MMP16: variants seen among roughly 807,000 people sequenced by gnomAD.
MMP16 encodes matrix metallopeptidase 16, also known as matrix metalloproteinase-16.
A neutral mutation model predicts 67.8 loss-of-function variants in MMP16; 12 were observed. That is an observed-to-expected ratio of 0.18 (90% CI 0.11 to 0.29). The LOEUF (loss-of-function observed/expected upper bound fraction) is 0.29. Ranked by LOEUF, MMP16 falls within the 10% of genes least tolerant of loss-of-function variation. The probability of loss-of-function intolerance (pLI) is 1.00; values close to 1 mark genes in which losing one functional copy is unlikely to be tolerated. For synonymous variants in MMP16, 249 were observed against 255.9 expected, an observed-to-expected ratio of 0.97 and a Z score of 0.26; for missense variants, 475 against 765.7, an observed-to-expected ratio of 0.62 and a Z score of 4.48.
chr8:88,281,138 C>T (rs1810728764), intron 1 of MMP16, among the ~76,000 whole-genome samples: 1 of 152,190 alleles, frequency 6.6e-6, no homozygotes, highest in Admixed American at 6.5e-5. Context: ...TCCCTCACTT[C>T]TTCTGGTTAT....
intron 3 of MMP16, among the ~76,000 whole-genome samples, chr8:88,177,253 G>C (rs577074499): frequency 3.9e-5 from 6 of 152,174 alleles, no homozygotes; most frequent in Non-Finnish European, 8.8e-5. Flanking sequence ...ATATGGTCTT[G>C]CAGTCTCTGC....
intron 1 of MMP16, among the ~76,000 whole-genome samples, chr8:88,231,285 T>C (rs1809855584): frequency 6.6e-6 from 1 of 152,206 alleles, no homozygotes; most frequent in African/African-American, 2.4e-5. Flanking sequence ...TGAGCGGTTC[T>C]AGATATAACC....
Position 88,033,613 on chromosome 8 carries a change from AT to A in MMP16, c.*7847del, listed in dbSNP as rs1299603870. On this transcript the variant is annotated 3_prime_UTR_variant, in exon 10 of 10. Transcript: ENST00000286614. ...GCGCAAAATTGAACTAGTAAACTCC[AT>A]TTATTTCCCTCCTATAATATAAAAA... is the stretch of plus-strand genomic sequence containing the variant. The A allele has an allele frequency of 1.3e-5, 2 of 151,974 alleles. No individual in the cohort carries two copies. The highest frequency in any genetic ancestry group is 2.4e-5 in the African/African-American group (1 of 41,422). 9.4% of individuals were successfully genotyped at this position (151,974 alleles called of 1,614,324 possible). A position where few individuals can be genotyped will look rare whatever the true frequency, so the allele number is the denominator to read the frequency against.
chr8:88,126,088 C>A (rs747596845), intron 4 of MMP16, among the ~76,000 whole-genome samples: 1 of 151,878 alleles, frequency 6.6e-6, no homozygotes, highest in African/African-American at 2.4e-5. Flanking sequence ...AGACCAGCAA[C>A]AAATATATGA....
At chr8:88,310,073 G>T (rs1484802499) in intron 1 of MMP16, among the ~76,000 whole-genome samples, 1 of 151,982 alleles carries the variant, frequency 6.6e-6, no homozygotes, top group East Asian at 1.9e-4. Flanking sequence ...AAAATCATTT[G>T]GTGAAGTTGC....
chr8:88,148,305 A>G (rs1213780478), intron 4 of MMP16, among the ~76,000 whole-genome samples: 1 of 152,242 alleles, frequency 6.6e-6, no homozygotes, highest in Admixed American at 6.5e-5. Context: ...TCATAAATTC[A>G]GTATCTGAAA....
chr8:88,136,094 C>T (rs1808114319), intron 4 of MMP16, among the ~76,000 whole-genome samples: 1 of 151,786 alleles, frequency 6.6e-6, no homozygotes, highest in Admixed American at 6.6e-5. Context: ...CAGTAGAAGA[C>T]AGAGTGAGTA....
intron 4 of MMP16, among the ~76,000 whole-genome samples, chr8:88,156,919 T>C (rs1015316553): frequency 2.0e-5 from 3 of 152,128 alleles, no homozygotes; most frequent in Admixed American, 1.3e-4. Flanking sequence ...GAATTATGAT[T>C]AAGCAACTTA....
chr8:88,158,141 T>C lies in MMP16; in HGVS notation c.709+9528A>G, dbSNP rs554626457. On this transcript the variant is annotated intron_variant, in intron 4 of 9. Coordinates refer to ENST00000286614, the MANE Select transcript of MMP16 (RefSeq NM_005941.5). The stretch of plus-strand genomic sequence containing the variant: ...GTGCCACAATAAACATACGTGTGCA[T>C]GTGTCTTTATAGCAGCATGATTTAT... Among the ~76,000 whole-genome samples the C allele has an allele frequency of 2.0e-5, 3 of 152,274 alleles. No homozygotes were observed. The South Asian group carries it at 6.2e-4, about 32-fold the overall frequency.
chr8:88,128,553 C>T (rs765242888), intron 4 of MMP16, among the ~76,000 whole-genome samples: 1 of 151,558 alleles, frequency 6.6e-6, no homozygotes, highest in Non-Finnish European at 1.5e-5. Flanking sequence ...TACATATTAT[C>T]GCAGACTCTT....
intron 1 of MMP16, among the ~76,000 whole-genome samples, chr8:88,252,162 A>G (rs1266381312): frequency 1.3e-5 from 2 of 149,606 alleles, no homozygotes; most frequent in Admixed American, 1.3e-4. Context: ...CCAAAGGACT[A>G]TAAATCATGC....
chr8:88,136,121 A>C (rs1808114744), intron 4 of MMP16, among the ~76,000 whole-genome samples: 1 of 151,898 alleles, frequency 6.6e-6, no homozygotes, highest in Non-Finnish European at 1.5e-5. Flanking sequence ...TGGGAAGTTA[A>C]AAAGAGCTAA....
At chr8:88,172,473 T>C (rs1808819595) in intron 3 of MMP16, among the ~76,000 whole-genome samples, 1 of 152,208 alleles carries the variant, frequency 6.6e-6, no homozygotes. Context: ...GAGAGATGTA[T>C]TTTGTATTTA....
At chr8:88,208,689 T>TA (rs1277048332) in intron 1 of MMP16, among the ~76,000 whole-genome samples, 2 of 151,822 alleles carry the variant, frequency 1.3e-5, no homozygotes, top group Non-Finnish European at 2.9e-5. Context: ...CATTGTTATA[T>TA]AAAAAGCCAT....
chr8:88,168,708 C>T (rs1344127060), intron 3 of MMP16, among the ~76,000 whole-genome samples: 1 of 151,884 alleles, frequency 6.6e-6, no homozygotes, highest in Non-Finnish European at 1.5e-5. Flanking sequence ...TTTTTCTAAA[C>T]AACAAAAATG....
intron 6 of MMP16, among the ~76,000 whole-genome samples, chr8:88,082,602 G>A (rs1808770741): frequency 1.3e-5 from 2 of 151,880 alleles, no homozygotes. Flanking sequence ...TATTAACATT[G>A]TTTTATAGGC....
At chr8:88,172,029 G>T (rs1413271892) in intron 3 of MMP16, among the ~76,000 whole-genome samples, 1 of 152,134 alleles carries the variant, frequency 6.6e-6, no homozygotes, top group East Asian at 1.9e-4. Flanking sequence ...GTTTCACCAT[G>T]TTGGCCAGGC....
At chr8:88,212,376 A>C (rs1432058557) in intron 1 of MMP16, among the ~76,000 whole-genome samples, 1 of 152,180 alleles carries the variant, frequency 6.6e-6, no homozygotes, top group Non-Finnish European at 1.5e-5. Flanking sequence ...GAATTCAATA[A>C]AATTGGCCCT....
intron 6 of MMP16, among the ~76,000 whole-genome samples, chr8:88,102,853 A>T (rs1360317285): frequency 6.6e-6 from 1 of 151,644 alleles, no homozygotes; most frequent in Admixed American, 6.6e-5. Context: ...AGTTGTCTTC[A>T]CTCTTGCCTT....
Sources: gnomAD v4.1 joint callset for allele counts (sites outside exome capture counted in the v4.1 genomes callset) on GRCh38, gnomAD v4.1.1 for gene constraint, MANE v1.5 for transcripts, NCBI Gene and HGNC (gene_info 2026-07-23, HGNC 2026-07-21) for gene names.